Variants in CHL1 observed in about 807,000 individuals in gnomAD.
CHL1 encodes cell adhesion molecule L1 like, also known as neural cell adhesion molecule L1-like protein.
CHL1 carries 96 observed loss-of-function variants against 141.9 expected under a neutral mutation model. The ratio of observed to expected loss-of-function variants is 0.68; its 90% CI spans 0.57 to 0.80. CHL1 has a LOEUF of 0.80. Ranked by LOEUF, CHL1 falls within the 30% of genes least tolerant of loss-of-function variation. CHL1 has a pLI of 0.00. For synonymous variants in CHL1, 613 were observed against 502.2 expected (o/e 1.22, Z -2.95); for missense variants, 1,820 against 1,457.2 (o/e 1.25, Z -4.05).
chr3:307,043 GAC>G (rs1315444566), intron 2 of CHL1, among the ~76,000 whole-genome samples: 1 of 152,130 alleles, frequency 6.6e-6, no homozygotes, highest in Non-Finnish European at 1.5e-5. Flanking sequence ...TATATTTTCT[GAC>G]AATGATTCCA....
At chr3:277,028 G>T (rs1212468686) in intron 2 of CHL1, among the ~76,000 whole-genome samples, 2 of 151,840 alleles carry the variant, frequency 1.3e-5, no homozygotes, top group Admixed American at 1.3e-4. Flanking sequence ...TCTGAAAATT[G>T]GAGATAATGA....
chr3:274,628 T>C (rs1016425659), intron 2 of CHL1, among the ~76,000 whole-genome samples: 1 of 152,206 alleles, frequency 6.6e-6, no homozygotes, highest in African/African-American at 2.4e-5. Flanking sequence ...ACGTTACCAA[T>C]AGCTTCTTTT....
At chr3:290,712 T>A (rs1055620237) in intron 2 of CHL1, among the ~76,000 whole-genome samples, 7 of 152,108 alleles carry the variant, frequency 4.6e-5, no homozygotes, top group African/African-American at 1.4e-4. Flanking sequence ...TGGAACTTTA[T>A]GGAATTGCTG....
At position 228,072 on chromosome 3, in the gene CHL1, C is replaced by G. The variant is rs1701518865; in HGVS notation, c.-174-16541C>G. ...TACAGCTTTTCGATAGAGGCAAACACTGCCTAATGGAATTGATCTACAACA... is the reference window on the plus strand; with the variant it reads ...TACAGCTTTTCGATAGAGGCAAACAGTGCCTAATGGAATTGATCTACAACA... On this transcript the variant is annotated intron_variant, in intron 1 of 27. Transcript: ENST00000256509. 3.3e-5 allele frequency among the ~76,000 whole-genome samples: 5 copies of G among 152,152 alleles called. No homozygotes were observed. The South Asian group carries it at 1.0e-3, about 32-fold the overall frequency.
At chr3:391,868 G>T in intron 23 of CHL1, 71 bp downstream of exon 23, 1 of 1,237,858 alleles carries the variant, frequency 8.1e-7, no homozygotes, top group African/African-American at 1.5e-5. Flanking sequence ...TCTGTGCTAT[G>T]TTGGGAGTCT....
At chr3:382,697 C>G in intron 18 of CHL1, 26 bp downstream of exon 18, 6 of 1,594,918 alleles carry the variant, frequency 3.8e-6, no homozygotes, top group South Asian at 3.3e-5. Flanking sequence ...CATCAGGTTT[C>G]TAACAAAATA....
chr3:348,040 A>T (rs1702914829), intron 9 of CHL1, among the ~76,000 whole-genome samples: 1 of 152,222 alleles, frequency 6.6e-6, no homozygotes, highest in African/African-American at 2.4e-5. Flanking sequence ...ATATTGACAC[A>T]CACGATTTCA....
At chr3:263,876 T>C (rs947998983) in intron 2 of CHL1, among the ~76,000 whole-genome samples, 1 of 152,216 alleles carries the variant, frequency 6.6e-6, no homozygotes, top group Admixed American at 6.5e-5. Flanking sequence ...GCCTTTTGAA[T>C]ATATTCATGT....
chr3:241,363 G>T (rs928042031), intron 1 of CHL1, among the ~76,000 whole-genome samples: 8 of 152,100 alleles, frequency 5.3e-5, no homozygotes, highest in African/African-American at 1.9e-4. Flanking sequence ...GATGTAGAGG[G>T]TATGTTGTGT....
chr3:331,462 G>A (rs1056593443), intron 5 of CHL1, among the ~76,000 whole-genome samples: 12 of 151,924 alleles, frequency 7.9e-5, no homozygotes, highest in African/African-American at 2.7e-4. Flanking sequence ...GGGTGGTCTT[G>A]ACCTCCCAGC....
At position 363,252 on chromosome 3, in the gene CHL1, G is replaced by C; in HGVS notation, c.1454G>C (p.Arg485Thr). ...KVEEVKPLEG[R>T]RYHIYENGTL... ...GAAGAAGTGAAACCCCTGGAGGGCA[G>C]GCGGTATCATATCTATGAAAATGGC... Residue 485 changes from arginine (R) to threonine (T), a missense_variant, in exon 14 of 28, where the codon AGG (arginine) becomes ACG (threonine). Coordinates refer to ENST00000256509, the MANE Select transcript of CHL1 (RefSeq NM_006614.4). 6.8e-6 allele frequency: 11 copies of C among 1,613,480 alleles called. No individual in the cohort carries two copies. The highest frequency in any genetic ancestry group is 8.5e-6 in the Non-Finnish European group (10 of 1,179,632).
intron 2 of CHL1, among the ~76,000 whole-genome samples, chr3:301,664 C>T (rs142945924): frequency 4.6e-5 from 7 of 152,258 alleles, no homozygotes; most frequent in African/African-American, 7.2e-5. Flanking sequence ...TAAAGAGATG[C>T]GGCATTGCCA....
intron 3 of CHL1, among the ~76,000 whole-genome samples, chr3:322,924 T>G (rs184607836): frequency 6.6e-6 from 1 of 151,832 alleles, no homozygotes. Flanking sequence ...TTGCTTATGA[T>G]TATAATTGTT....
rs568416212 is a variant in CHL1, at chr3:406,769, G to A, written c.*1058G>A. ...ACTAATAACACGAGGTTCCAAAGCT[G>A]AAGACTTTGTATAAAGTATTTGGGT... is the stretch of plus-strand genomic sequence containing the variant. On this transcript the variant is annotated 3_prime_UTR_variant, in exon 28 of 28. Coordinates refer to ENST00000256509, the MANE Select transcript of CHL1 (RefSeq NM_006614.4). The A allele has an allele frequency of 1.3e-5, 2 of 152,208 alleles. No individual in the cohort carries two copies. The highest frequency in any genetic ancestry group is 3.9e-4 in the East Asian group (2 of 5,184). The allele number at this position is 152,208 out of a possible 1,614,324, so 9.4% of individuals were successfully genotyped here. A position where few individuals can be genotyped will look rare whatever the true frequency, so the allele number is the denominator to read the frequency against.
At chr3:213,155 G>A (rs966326690) in intron 1 of CHL1, 4 of 152,132 alleles carry the variant, frequency 2.6e-5, no homozygotes, top group African/African-American at 9.7e-5. Context: ...AAGTTAAATT[G>A]TTATTAATGT....
intron 1 of CHL1, among the ~76,000 whole-genome samples, chr3:201,113 T>A (rs926318083): frequency 6.6e-6 from 1 of 152,214 alleles, no homozygotes; most frequent in Admixed American, 6.5e-5. Context: ...TGGTTGGAAT[T>A]CTGTATCACT....
intron 2 of CHL1, among the ~76,000 whole-genome samples, chr3:302,340 G>A (rs886540530): frequency 6.6e-6 from 1 of 152,140 alleles, no homozygotes; most frequent in African/African-American, 2.4e-5. Flanking sequence ...CACAATGGTT[G>A]AACTAATTTA....
At chr3:248,613 C>T (rs1051439623) in intron 2 of CHL1, 5 of 152,046 alleles carry the variant, frequency 3.3e-5, no homozygotes, top group Non-Finnish European at 7.4e-5. Context: ...TTTCCTCTGT[C>T]CCTCTGTTTT....
chr3:311,903 A>T (rs1305172227), intron 2 of CHL1, among the ~76,000 whole-genome samples: 1 of 152,168 alleles, frequency 6.6e-6, no homozygotes, highest in Non-Finnish European at 1.5e-5. Context: ...TGTTGGGATT[A>T]TTCTCCATCC....
Sources: allele counts gnomAD v4.1 joint callset (sites outside exome capture counted in the v4.1 genomes callset), GRCh38; gene constraint gnomAD v4.1.1; transcripts MANE v1.5; gene names NCBI Gene and HGNC (gene_info 2026-07-23, HGNC 2026-07-21).